ITPRID1: variants seen among roughly 807,000 people sequenced by gnomAD.
The protein encoded by ITPRID1 is ITPR interacting domain containing 1.
Under a neutral mutation model 95.4 loss-of-function variants are expected in ITPRID1, and 96 were observed. The observed-to-expected ratio is 1.01, with a 90% CI of 0.85 to 1.19. The LOEUF (loss-of-function observed/expected upper bound fraction) is 1.19. Ranked by LOEUF, ITPRID1 falls within the 50% of genes most tolerant of loss-of-function variation. ITPRID1 has a pLI of 0.00. For synonymous variants in ITPRID1, 510 were observed against 453.6 expected (o/e 1.12, Z -1.58); for missense variants, 1,339 against 1,252.9 (o/e 1.07, Z -1.04).
chr7:31,556,854 A>T (rs764240623), intron 5 of ITPRID1, among the ~76,000 whole-genome samples: 19 of 152,082 alleles, frequency 1.2e-4, no homozygotes, highest in Non-Finnish European at 2.4e-4. Flanking sequence ...TTAACAACAG[A>T]AATGTATTCT....
At chr7:31,612,705 G>A (rs1786931397) in intron 10 of ITPRID1, among the ~76,000 whole-genome samples, 1 of 152,014 alleles carries the variant, frequency 6.6e-6, no homozygotes, top group South Asian at 2.1e-4. Context: ...TGCCTTCAAT[G>A]CTCCACCTAT....
chr7:31,578,892 T>A (rs536230977), intron 9 of ITPRID1, among the ~76,000 whole-genome samples: 11 of 152,290 alleles, frequency 7.2e-5, no homozygotes, highest in African/African-American at 2.6e-4. Context: ...CAATGCTGTC[T>A]CCCCAAAAAG....
At chr7:31,623,820 C>G (rs1038194365) in intron 10 of ITPRID1, among the ~76,000 whole-genome samples, 16 of 152,204 alleles carry the variant, frequency 1.1e-4, no homozygotes, top group South Asian at 4.2e-4. Flanking sequence ...AGGAAAAGAG[C>G]AAGTCAAATT....
chr7:31,518,575 A>AT (rs1286409915), intron 1 of ITPRID1, among the ~76,000 whole-genome samples: 1 of 152,182 alleles, frequency 6.6e-6, no homozygotes, highest in African/African-American at 2.4e-5. Context: ...ATGAATTATG[A>AT]TTTTCCATCA....
chr7:31,579,392 T>G (rs1785313442), intron 9 of ITPRID1, among the ~76,000 whole-genome samples: 1 of 152,204 alleles, frequency 6.6e-6, no homozygotes, highest in African/African-American at 2.4e-5. Flanking sequence ...CAAAGTGGGC[T>G]TACTTCTCCG....
chr7:31,553,261 G>T (rs1261531486), intron 3 of ITPRID1, 74 bp downstream of exon 3: 1 of 1,387,050 alleles, frequency 7.2e-7, no homozygotes, highest in Non-Finnish European at 9.6e-7. Context: ...TTTTGGCCAG[G>T]GGCAGGTGAT....
At chr7:31,530,787 C>T (rs2191342) in intron 1 of ITPRID1, among the ~76,000 whole-genome samples, 88,570 of 151,848 alleles carry the variant, frequency 0.58, 26,889 homozygotes, top group Middle Eastern at 0.71. Flanking sequence ...ATAATTATAA[C>T]AAGTCCAGAG....
chr7:31,546,694 A>T (rs1784109773), intron 1 of ITPRID1, among the ~76,000 whole-genome samples: 1 of 152,184 alleles, frequency 6.6e-6, no homozygotes, highest in Admixed American at 6.5e-5. Context: ...TACATTTTCC[A>T]TGCAATTATG....
intron 10 of ITPRID1, among the ~76,000 whole-genome samples, chr7:31,587,585 A>T (rs1419423370): frequency 2.7e-5 from 4 of 149,692 alleles, no homozygotes; most frequent in Non-Finnish European, 5.9e-5. Flanking sequence ...TACAGATTCA[A>T]TGCCATCCCC....
intron 1 of ITPRID1, among the ~76,000 whole-genome samples, chr7:31,545,183 C>G (rs779093651): frequency 1.3e-5 from 2 of 152,098 alleles, no homozygotes; most frequent in Admixed American, 6.6e-5. Flanking sequence ...TTTAATGAAA[C>G]AGTGTCTAGT....
At chr7:31,644,661 G>A (rs1790310984) in intron 12 of ITPRID1, among the ~76,000 whole-genome samples, 2 of 152,190 alleles carry the variant, frequency 1.3e-5, no homozygotes, top group African/African-American at 4.8e-5. Context: ...TCTAGCCCTT[G>A]ATTAATCAGT....
At chr7:31,536,633 A>G (rs890130489) in intron 1 of ITPRID1, among the ~76,000 whole-genome samples, 1 of 152,098 alleles carries the variant, frequency 6.6e-6, no homozygotes, top group Non-Finnish European at 1.5e-5. Context: ...CTTTTTTTCT[A>G]TCAAGCCACT....
At chr7:31,554,276 T>C in intron 3 of ITPRID1, 199 bp from the exon 4 acceptor site, 3 of 965,748 alleles carry the variant, frequency 3.1e-6, no homozygotes, top group Non-Finnish European at 4.2e-6. Context: ...TTTGACAAGT[T>C]TACACTTCAT....
chr7:31,574,794 A>T, intron 8 of ITPRID1, 52 bp downstream of exon 8: 1 of 1,530,140 alleles, frequency 6.5e-7, no homozygotes, highest in Non-Finnish European at 9.0e-7. Context: ...ATGAGTGGGC[A>T]GGTGGGCCAC....
chr7:31,649,897 T>C (rs2128218559), intron 12 of ITPRID1, among the ~76,000 whole-genome samples: 1 of 152,278 alleles, frequency 6.6e-6, no homozygotes, highest in East Asian at 1.9e-4. Flanking sequence ...GGGAAAGAGC[T>C]GAGCTCCACT....
chr7:31,599,633 CTTT>C lies in ITPRID1; in HGVS notation c.1228+16443_1228+16445del, dbSNP rs1562598709. Among the ~76,000 whole-genome samples, 336 of 48,470 alleles carry C rather than the reference CTTT, an allele frequency of 6.9e-3. 17 individuals carry two copies. The highest frequency in any genetic ancestry group is 0.02 in the African/African-American group (283 of 14,202). 31.8% of individuals were successfully genotyped at this position (48,470 alleles called of 152,430 possible). The stretch of plus-strand genomic sequence containing the variant: ...TCTTTCTTTCTTTCTTTCTTTCTTT[CTTT>C]CTTTCTTTCTTTTTCTTTCTTTCCT... On this transcript the variant is annotated intron_variant, in intron 10 of 14. Transcript: ENST00000615280.
At chr7:31,626,545 T>C (rs1385325714) in intron 10 of ITPRID1, among the ~76,000 whole-genome samples, 2 of 152,236 alleles carry the variant, frequency 1.3e-5, no homozygotes, top group Non-Finnish European at 2.9e-5. Context: ...TGGATACAAC[T>C]GTTTAATTTT....
At chr7:31,610,009 T>C (rs895036658) in intron 10 of ITPRID1, among the ~76,000 whole-genome samples, 2 of 151,630 alleles carry the variant, frequency 1.3e-5, no homozygotes, top group African/African-American at 4.8e-5. Flanking sequence ...GTATATTCTA[T>C]TTCCCTGTGA....
intron 10 of ITPRID1, among the ~76,000 whole-genome samples, chr7:31,636,463 C>T (rs1789490479): frequency 6.6e-6 from 1 of 152,122 alleles, no homozygotes; most frequent in African/African-American, 2.4e-5. Flanking sequence ...TATGGAGAGT[C>T]CTTCAGTTTG....
Sources: allele counts gnomAD v4.1 joint callset (sites outside exome capture counted in the v4.1 genomes callset), GRCh38; gene constraint gnomAD v4.1.1; transcripts MANE v1.5; gene names NCBI Gene and HGNC (gene_info 2026-07-23, HGNC 2026-07-21).